The following DGLUCY variants were observed in gnomAD, a reference collection of about 807,000 sequenced individuals.
The protein encoded by DGLUCY is D-glutamate cyclase, also known as D-glutamate cyclase, mitochondrial.
Under a neutral mutation model 58.5 loss-of-function variants are expected in DGLUCY, and 58 were observed. The ratio of observed to expected loss-of-function variants is 0.99; its 90% CI spans 0.80 to 1.23. The LOEUF is 1.23. DGLUCY is among the 50% of genes most tolerant of loss of function. The probability of loss-of-function intolerance (pLI) is 0.00; values close to 1 mark genes in which losing one functional copy is unlikely to be tolerated. For synonymous variants in DGLUCY, 325 were observed against 314.1 expected (o/e 1.03, Z -0.37); for missense variants, 779 against 784.7 (o/e 0.99, Z 0.09).
At chr14:91,113,018 A>G (rs1199475023), upstream of DGLUCY, among the ~76,000 whole-genome samples, 1 of 120,064 alleles carries the variant, frequency 8.3e-6, no homozygotes, top group Non-Finnish European at 1.7e-5. Context: ...AAAAAAAAAA[A>G]AGGCCAGGTG....
chr14:91,136,542 G>C (rs2046346679), intron 1 of DGLUCY, among the ~76,000 whole-genome samples: 1 of 151,762 alleles, frequency 6.6e-6, no homozygotes, highest in African/African-American at 2.4e-5. Context: ...AAATTAACCA[G>C]GCATGGTGGT....
At chr14:91,122,723 C>G (rs1292470251) in intron 1 of DGLUCY, among the ~76,000 whole-genome samples, 1 of 150,802 alleles carries the variant, frequency 6.6e-6, no homozygotes, top group Non-Finnish European at 1.5e-5. Context: ...CTGCCTCAGC[C>G]TCCTGAGTAG....
chr14:91,199,683 C>T (rs2050433364), intron 10 of DGLUCY, 74 bp from the exon 11 acceptor site: 7 of 1,528,558 alleles, frequency 4.6e-6, no homozygotes, highest in African/African-American at 1.4e-5. Context: ...CGCGCAAACA[C>T]AAGAAGGCAT....
chr14:91,167,669 G>C, intron 4 of DGLUCY: 1 of 702,232 alleles, frequency 1.4e-6, no homozygotes, highest in Non-Finnish European at 2.6e-6. Flanking sequence ...GCCCAAGCCA[G>C]AAACCCGCCT....
At chr14:91,220,963 C>A (rs1264905454) in intron 13 of DGLUCY, among the ~76,000 whole-genome samples, 2 of 152,234 alleles carry the variant, frequency 1.3e-5, no homozygotes, top group Non-Finnish European at 2.9e-5. Context: ...TAAACAAACA[C>A]CAGGAAAGGT....
chr14:91,184,341 G>A (rs59718058), intron 8 of DGLUCY, among the ~76,000 whole-genome samples: 1 of 151,366 alleles, frequency 6.6e-6, no homozygotes, highest in Non-Finnish European at 1.5e-5. Context: ...GTCAGGAGTT[G>A]AAGACCAGCC....
chr14:91,151,627 TA>T (rs2047341585), intron 1 of DGLUCY, among the ~76,000 whole-genome samples: 1 of 151,594 alleles, frequency 6.6e-6, no homozygotes, highest in Non-Finnish European at 1.5e-5. Flanking sequence ...TATATCTCAT[TA>T]TTCATCTTTT....
intron 1 of DGLUCY, among the ~76,000 whole-genome samples, chr14:91,139,799 A>G (rs935556124): frequency 2.6e-5 from 4 of 152,224 alleles, no homozygotes; most frequent in East Asian, 1.9e-4. Flanking sequence ...TTCTCAATCA[A>G]TTTAGAAGTT....
chr14:91,105,598 A>G (rs1566942334), upstream of DGLUCY, among the ~76,000 whole-genome samples: 1 of 152,164 alleles, frequency 6.6e-6, no homozygotes, highest in Admixed American at 6.5e-5. Context: ...AGGCAGCTAT[A>G]ATAGGTGCCC....
At chr14:91,215,292 C>T in intron 12 of DGLUCY, 113 bp from the exon 13 acceptor site, 1 of 1,479,980 alleles carries the variant, frequency 6.8e-7, no homozygotes, top group Non-Finnish European at 8.9e-7. Flanking sequence ...CCAGATGATA[C>T]TGGTGCTACG....
intron 8 of DGLUCY, among the ~76,000 whole-genome samples, chr14:91,187,622 T>C (rs2049602204): frequency 6.6e-6 from 1 of 152,194 alleles, no homozygotes; most frequent in African/African-American, 2.4e-5. Context: ...CCTCTTACCA[T>C]AGGCTCAGGT....
At chr14:91,199,490 T>C (rs2140576696) in intron 10 of DGLUCY, among the ~76,000 whole-genome samples, 1 of 151,926 alleles carries the variant, frequency 6.6e-6, no homozygotes, top group East Asian at 1.9e-4. Flanking sequence ...TGACCTCAAG[T>C]GATCCACCTG....
At chr14:91,219,041 G>A (rs755198672) in intron 13 of DGLUCY, among the ~76,000 whole-genome samples, 3 of 151,966 alleles carry the variant, frequency 2.0e-5, no homozygotes, top group African/African-American at 4.8e-5. Flanking sequence ...TTAGCCAGGC[G>A]TGGTGGCGGG....
Position 91,224,759 on chromosome 14 carries a change from G to T in DGLUCY, c.1792G>T (p.Asp598Tyr). Residue 598 changes from aspartate (D) to tyrosine (Y), a missense_variant, in exon 14 of 14, where the codon GAT becomes TAT. Physicochemically the swap from Asp to Tyr is radical, Grantham distance 160 (BLOSUM62 -3). Transcript: ENST00000256324. Reference sequence around the variant, plus strand: ...CTCGGGCATCGTGGGCATGGAGGTGGATGGGCTGCCCTTCCACAACACCCA... The same window carrying T: ...CTCGGGCATCGTGGGCATGGAGGTGTATGGGCTGCCCTTCCACAACACCCA... ...GVSGIVGMEV[D>Y]GLPFHNTHAE... 1.2e-6 allele frequency: 2 copies of T among 1,613,820 alleles called. No individual in the cohort carries two copies. Among genetic ancestry groups the T allele is most frequent in the Non-Finnish European group, 1.7e-6 (2 of 1,179,822 alleles).
At chr14:91,206,896 A>G (rs115299215) in intron 12 of DGLUCY, among the ~76,000 whole-genome samples, 2,350 of 152,238 alleles carry the variant, frequency 0.015, 70 homozygotes, top group African/African-American at 0.054. Context: ...AACATGCAAG[A>G]AGAGATGGAT....
intron 4 of DGLUCY, 115 bp from the exon 5 acceptor site, chr14:91,169,888 G>C: frequency 9.1e-7 from 1 of 1,102,540 alleles, no homozygotes; most frequent in Non-Finnish European, 1.3e-6. Context: ...TGGTGCCAGG[G>C]CTGAAAATTT....
intron 1 of DGLUCY, among the ~76,000 whole-genome samples, chr14:91,157,171 A>G (rs1181028769): frequency 1.7e-4 from 23 of 137,928 alleles, no homozygotes; most frequent in African/African-American, 6.0e-4. Flanking sequence ...GGGTGGATGG[A>G]TAGATGGATG....
At chr14:91,196,080 C>T (rs553863939) in intron 9 of DGLUCY, among the ~76,000 whole-genome samples, 1 of 152,234 alleles carries the variant, frequency 6.6e-6, no homozygotes, top group East Asian at 1.9e-4. Context: ...TGGCAGTGGG[C>T]CAGAACAGGC....
At chr14:91,084,329 G>A (rs574048708) in intron 1 of DGLUCY, among the ~76,000 whole-genome samples, 4 of 150,834 alleles carry the variant, frequency 2.7e-5, no homozygotes, top group African/African-American at 4.9e-5. Flanking sequence ...TCAGCCTCCC[G>A]AGTAGCTGGA....
Sources: gnomAD v4.1 joint callset for allele counts (sites outside exome capture counted in the v4.1 genomes callset) on GRCh38, gnomAD v4.1.1 for gene constraint, MANE v1.5 for transcripts, NCBI Gene and HGNC (gene_info 2026-07-23, HGNC 2026-07-21) for gene names.